Variants in TRPM3 observed in about 807,000 individuals in gnomAD.
The protein encoded by TRPM3 is long transient receptor potential channel 3.
In TRPM3, 77 loss-of-function variants were observed where a neutral mutation model predicts 181.2. The ratio of observed to expected loss-of-function variants is 0.42; its 90% confidence interval spans 0.35 to 0.51. The LOEUF (loss-of-function observed/expected upper bound fraction) is 0.51. Among genes scored for constraint, TRPM3 ranks in the 20% least tolerant of loss-of-function variants. The probability of loss-of-function intolerance (pLI) is 0.01; values close to 1 mark genes in which losing one functional copy is unlikely to be tolerated. For synonymous variants in TRPM3, 745 were observed against 796.4 expected (o/e 0.94, Z 1.09); for missense variants, 1,759 against 2,196.7 (o/e 0.80, Z 3.98).
At chr9:71,394,036 A>T (rs541106334) in intron 1 of TRPM3, among the ~76,000 whole-genome samples, 1 of 152,280 alleles carries the variant, frequency 6.6e-6, no homozygotes, top group Non-Finnish European at 1.5e-5. Context: ...CTGAGAAGAG[A>T]TCCACTGATT....
chr9:70,672,940 G>A (rs529393735), intron 9 of TRPM3, among the ~76,000 whole-genome samples: 5 of 152,130 alleles, frequency 3.3e-5, no homozygotes, highest in African/African-American at 1.2e-4. Context: ...TTAATTAGTC[G>A]AGATCCCCCA....
At chr9:70,583,002 A>AGT (rs2056288569) in intron 22 of TRPM3, among the ~76,000 whole-genome samples, 1 of 152,184 alleles carries the variant, frequency 6.6e-6, no homozygotes, top group African/African-American at 2.4e-5. Context: ...GTGGTGGAAT[A>AGT]GTATGTAGAA....
intron 1 of TRPM3, among the ~76,000 whole-genome samples, chr9:71,217,014 G>A (rs951605815): frequency 2.3e-5 from 3 of 130,632 alleles, no homozygotes; most frequent in South Asian, 2.6e-4. Context: ...GCAGTGGCGC[G>A]ATCTCGGCTC....
intron 1 of TRPM3, among the ~76,000 whole-genome samples, chr9:70,899,958 TA>T (rs567181212): frequency 1.3e-5 from 2 of 152,172 alleles, no homozygotes; most frequent in Non-Finnish European, 2.9e-5. Flanking sequence ...AAAATATTTG[TA>T]AAAAAATATA....
chr9:71,171,394 G>C (rs1249579099), intron 1 of TRPM3, among the ~76,000 whole-genome samples: 6 of 151,812 alleles, frequency 4.0e-5, no homozygotes, highest in Admixed American at 1.3e-4. Context: ...TTTGTGGCTT[G>C]TGGGGCATCA....
chr9:70,986,187 T>C (rs2097419599), intron 1 of TRPM3, among the ~76,000 whole-genome samples: 1 of 151,844 alleles, frequency 6.6e-6, no homozygotes, highest in Non-Finnish European at 1.5e-5. Flanking sequence ...CCCCCATCTT[T>C]ACCAAAAAAA....
At chr9:70,572,810 A>G (rs2052811975) in intron 22 of TRPM3, among the ~76,000 whole-genome samples, 1 of 152,212 alleles carries the variant, frequency 6.6e-6, no homozygotes, top group Non-Finnish European at 1.5e-5. Context: ...TAAACATAGA[A>G]TTCTCACATG....
chr9:70,878,487 T>G (rs1403200999), intron 1 of TRPM3, among the ~76,000 whole-genome samples: 2 of 152,074 alleles, frequency 1.3e-5, no homozygotes, highest in Non-Finnish European at 2.9e-5. Flanking sequence ...GTACAAGGCT[T>G]TCCTTGTATC....
At chr9:71,437,970 A>C (rs1045398660) in intron 1 of TRPM3, among the ~76,000 whole-genome samples, 1 of 152,166 alleles carries the variant, frequency 6.6e-6, no homozygotes, top group Non-Finnish European at 1.5e-5. Context: ...AGTGGTGGCT[A>C]ATACCCAAAA....
At chr9:70,570,237 T>G (rs574159394) in intron 22 of TRPM3, among the ~76,000 whole-genome samples, 2 of 152,170 alleles carry the variant, frequency 1.3e-5, no homozygotes, top group South Asian at 4.2e-4. Flanking sequence ...TTTGGTTTTT[T>G]TTTTTGCTAA....
intron 1 of TRPM3, among the ~76,000 whole-genome samples, chr9:70,965,594 A>G (rs764749425): frequency 2.0e-5 from 3 of 152,082 alleles, no homozygotes; most frequent in Non-Finnish European, 2.9e-5. Context: ...TGATTTGTGT[A>G]TGTTGAACCA....
chr9:70,782,063 G>T (rs1415888282), intron 7 of TRPM3, among the ~76,000 whole-genome samples: 1 of 152,032 alleles, frequency 6.6e-6, no homozygotes, highest in East Asian at 1.9e-4. Flanking sequence ...TATCTACTTT[G>T]TAGGAATACC....
intron 21 of TRPM3, among the ~76,000 whole-genome samples, chr9:70,596,674 C>T (rs995021284): frequency 6.8e-6 from 1 of 148,058 alleles, no homozygotes; most frequent in Non-Finnish European, 1.5e-5. Context: ...GAGGTGGCAC[C>T]ACTGCATTCC....
intron 22 of TRPM3, among the ~76,000 whole-genome samples, chr9:70,568,737 G>T (rs368005613): frequency 6.6e-6 from 1 of 152,210 alleles, no homozygotes; most frequent in African/African-American, 2.4e-5. Context: ...CCACTACCTT[G>T]TGCTATTTCT....
chr9:70,679,579 A>G (rs2064907150), intron 9 of TRPM3, among the ~76,000 whole-genome samples: 2 of 152,196 alleles, frequency 1.3e-5, no homozygotes, highest in South Asian at 4.1e-4. Context: ...TTTTATCTCC[A>G]TACATAAGTG....
chr9:70,932,707 G>A (rs900474852), intron 1 of TRPM3, among the ~76,000 whole-genome samples: 11 of 152,112 alleles, frequency 7.2e-5, no homozygotes, highest in African/African-American at 1.7e-4. Flanking sequence ...AAGAAGTCAC[G>A]TTAACTCTAC....
intron 7 of TRPM3, among the ~76,000 whole-genome samples, chr9:70,770,284 C>T (rs565425797): frequency 1.3e-5 from 2 of 152,252 alleles, no homozygotes; most frequent in East Asian, 3.9e-4. Context: ...CTTTGAATTG[C>T]TTTGTAGCTC....
intron 1 of TRPM3, among the ~76,000 whole-genome samples, chr9:71,412,286 G>T (rs555940818): frequency 1.2e-4 from 19 of 152,188 alleles, no homozygotes; most frequent in South Asian, 1.0e-3. Context: ...CACAGCAAAA[G>T]AAACTACCAT....
At chr9:71,218,230 CT>C (rs761909763) in intron 1 of TRPM3, among the ~76,000 whole-genome samples, 1 of 152,316 alleles carries the variant, frequency 6.6e-6, no homozygotes, top group East Asian at 1.9e-4. Context: ...TACAGTTTGT[CT>C]GTTTATTCCT....
Sources: allele counts gnomAD v4.1 joint callset (sites outside exome capture counted in the v4.1 genomes callset), GRCh38; gene constraint gnomAD v4.1.1; transcripts MANE v1.5; gene names NCBI Gene and HGNC (gene_info 2026-07-23, HGNC 2026-07-21).